The following MKLN1 variants were observed in gnomAD, a reference collection of about 807,000 sequenced individuals.
The protein encoded by MKLN1 is muskelin 1.
MKLN1 carries 18 observed loss-of-function variants against 99.0 expected under a neutral mutation model. The observed-to-expected ratio is 0.18, with a 90% CI of 0.13 to 0.27. MKLN1 has a LOEUF of 0.27. MKLN1 is among the 10% of genes least tolerant of loss of function. The pLI is 1.00. For synonymous variants in MKLN1, 288 were observed against 293.2 expected (o/e 0.98, Z 0.18); for missense variants, 621 against 875.9 (o/e 0.71, Z 3.67).
upstream of MKLN1, chr7:131,326,940 G>A (rs1285397924): frequency 6.6e-6 from 1 of 152,226 alleles, no homozygotes; most frequent in Non-Finnish European, 1.5e-5. Flanking sequence ...CAGTGGCTAA[G>A]CCAAGGAATA....
Position 131,287,841 on chromosome 7 carries a change from G to A in MKLN1, c.-179+84867G>A, listed in dbSNP as rs1057427102. Among the ~76,000 whole-genome samples the A allele has an allele frequency of 4.6e-5, 7 of 152,214 alleles. No individual in the cohort carries two copies. In the South Asian group the frequency reaches 1.5e-3, roughly 32 times the overall value. On this transcript the variant is annotated intron_variant, in intron 3 of 7. Transcript: ENST00000416992. ...CCCCATGCTGTTCTCGTGATAGTGA[G>A]TGAGTTCTCATGAGATCTGATGGTT...
chr7:131,302,400 T>C (rs1343255277), intron 3 of MKLN1, among the ~76,000 whole-genome samples: 1 of 152,218 alleles, frequency 6.6e-6, no homozygotes. Context: ...CTTGTGGTGA[T>C]GGGAGAAAAG....
chr7:131,143,705 A>G (rs1213530433), intron 2 of MKLN1, among the ~76,000 whole-genome samples: 1 of 151,916 alleles, frequency 6.6e-6, no homozygotes, highest in Non-Finnish European at 1.5e-5. Context: ...GCATGTGCCT[A>G]TAGACCCAGC....
At chr7:131,198,400 G>C (rs192611126) in intron 2 of MKLN1, among the ~76,000 whole-genome samples, 94 of 152,328 alleles carry the variant, frequency 6.2e-4, no homozygotes, top group Non-Finnish European at 1.2e-3. Flanking sequence ...GCAAAGTTGA[G>C]CAAAGCGTTC....
intron 1 of MKLN1, among the ~76,000 whole-genome samples, chr7:131,371,239 A>C (rs980538110): frequency 6.6e-6 from 1 of 151,802 alleles, no homozygotes; most frequent in Non-Finnish European, 1.5e-5. Flanking sequence ...ATTTTGCAAA[A>C]TTTTTCTTTT....
At chr7:131,167,944 C>T (rs1174687262) in intron 2 of MKLN1, among the ~76,000 whole-genome samples, 3 of 152,008 alleles carry the variant, frequency 2.0e-5, no homozygotes, top group Admixed American at 1.3e-4. Flanking sequence ...TGTGATTTCA[C>T]GTATCTTTAA....
intron 1 of MKLN1, among the ~76,000 whole-genome samples, chr7:131,353,073 T>C (rs2116770177): frequency 6.6e-6 from 1 of 152,306 alleles, no homozygotes; most frequent in East Asian, 1.9e-4. Flanking sequence ...GAAGCTACTA[T>C]AAACATTGGA....
intron 14 of MKLN1, among the ~76,000 whole-genome samples, chr7:131,465,612 C>T (rs1288308933): frequency 6.6e-6 from 1 of 152,024 alleles, no homozygotes; most frequent in Non-Finnish European, 1.5e-5. Flanking sequence ...AATCTCTGCT[C>T]ACTGCAAGCT....
In MKLN1 at chr7:131,479,878, G is replaced by T. The variant is rs560366094; in HGVS notation, c.2086+1201G>T. Among the ~76,000 whole-genome samples the T allele has an allele frequency of 9.9e-5, 15 of 151,010 alleles. No individual in the cohort carries two copies. The South Asian group carries it at 3.2e-3, about 32-fold the overall frequency. On this transcript the variant is annotated intron_variant, in intron 17 of 17. Coordinates refer to ENST00000352689, the MANE Select transcript of MKLN1 (RefSeq NM_013255.5). ...AATAAATAAATAAATAAATAAATCA[G>T]CCGGGCACGGTGGCTCACGCCTGTA...
At position 131,192,100 on chromosome 7, in the gene MKLN1, A is replaced by G. The variant is rs1236570190; in HGVS notation, c.-296-10757A>G. Among the ~76,000 whole-genome samples, 15 of 98,022 alleles carry G rather than the reference A, an allele frequency of 1.5e-4. 2 individuals are homozygous for G. Among genetic ancestry groups the G allele is most frequent in the Non-Finnish European group, 2.8e-4 (14 of 49,468 alleles). The allele number at this position is 98,022 out of a possible 152,430, so 64.3% of individuals were successfully genotyped here. A position where few individuals can be genotyped will look rare whatever the true frequency, so the allele number is the denominator to read the frequency against. ...ATACATATATATTATATATATATGT[A>G]TATATATATTATATATATACGTATA... On this transcript the variant is annotated intron_variant, in intron 2 of 7. Transcript: ENST00000416992.
intron 4 of MKLN1, among the ~76,000 whole-genome samples, chr7:131,394,318 G>A (rs1260528352): frequency 6.6e-6 from 1 of 151,938 alleles, no homozygotes; most frequent in Non-Finnish European, 1.5e-5. Context: ...TGACACCAGC[G>A]ACCAGTTTTG....
At chr7:131,226,025 T>C in intron 3 of MKLN1, among the ~76,000 whole-genome samples, 1 of 150,110 alleles carries the variant, frequency 6.7e-6, no homozygotes, top group African/African-American at 2.5e-5. Flanking sequence ...CCGCCTGCCT[T>C]CCCCCCTCCC....
intron 3 of MKLN1, among the ~76,000 whole-genome samples, chr7:131,273,736 C>T (rs1186928630): frequency 6.6e-6 from 1 of 151,772 alleles, no homozygotes; most frequent in Non-Finnish European, 1.5e-5. Context: ...GTGATCCCCC[C>T]ACCTCAGGCT....
chr7:131,175,157 GAT>G, intron 2 of MKLN1, among the ~76,000 whole-genome samples: 2 of 71,266 alleles, frequency 2.8e-5, no homozygotes, highest in Non-Finnish European at 5.5e-5. Context: ...TGGATGGATA[GAT>G]AGATAGATTA....
chr7:131,279,525 G>A (rs1798021206), intron 3 of MKLN1, among the ~76,000 whole-genome samples: 1 of 152,112 alleles, frequency 6.6e-6, no homozygotes. Flanking sequence ...TGTAAAGTTT[G>A]GTCCAGGTGT....
At chr7:131,220,036 C>T (rs1204008497) in intron 3 of MKLN1, among the ~76,000 whole-genome samples, 5 of 152,150 alleles carry the variant, frequency 3.3e-5, no homozygotes, top group Admixed American at 3.3e-4. Flanking sequence ...CTTCCCCCCT[C>T]ACCTCCAATC....
intron 1 of MKLN1, among the ~76,000 whole-genome samples, chr7:131,335,508 T>A (rs1799225211): frequency 6.6e-6 from 1 of 152,164 alleles, no homozygotes; most frequent in South Asian, 2.1e-4. Flanking sequence ...TACCCTAACA[T>A]AACTTATATT....
chr7:131,389,700 A>G (rs930128549), intron 4 of MKLN1, among the ~76,000 whole-genome samples: 18 of 152,052 alleles, frequency 1.2e-4, no homozygotes, highest in Non-Finnish European at 2.1e-4. Flanking sequence ...CCTGGCTAAC[A>G]TGGTGAAACC....
At chr7:131,141,430 C>T (rs765953867) in intron 1 of MKLN1, among the ~76,000 whole-genome samples, 1 of 152,190 alleles carries the variant, frequency 6.6e-6, no homozygotes, top group African/African-American at 2.4e-5. Context: ...GGACTTTGCC[C>T]TCTTCAAAAC....
Sources: allele counts gnomAD v4.1 joint callset (sites outside exome capture counted in the v4.1 genomes callset), GRCh38; gene constraint gnomAD v4.1.1; transcripts MANE v1.5; gene names NCBI Gene and HGNC (gene_info 2026-07-23, HGNC 2026-07-21).